Variants in GPR19 observed in about 807,000 individuals in gnomAD.
The protein encoded by GPR19 is probable G protein-coupled receptor 19.
A neutral mutation model predicts 28.5 loss-of-function variants in GPR19; 14 were observed. The ratio of observed to expected loss-of-function variants is 0.49; its 90% CI spans 0.32 to 0.77. GPR19 has a LOEUF of 0.77. GPR19 is among the 30% of genes least tolerant of loss of function. The probability of loss-of-function intolerance (pLI) is 0.03; values close to 1 mark genes in which losing one functional copy is unlikely to be tolerated. For missense variants in GPR19, 409 were observed against 504.1 expected, an observed-to-expected ratio of 0.81 and a Z score of 1.81; for synonymous variants, 173 against 184.1, an observed-to-expected ratio of 0.94 and a Z score of 0.49.
the GPR19 span, chr12:12,717,194 C>G: frequency 1.6e-5 from 17 of 1,048,118 alleles, no homozygotes; most frequent in Non-Finnish European, 2.0e-5. Flanking sequence ...ACGCGACCAG[C>G]CAATCTCCCG....
At chr12:12,685,918 A>G (rs1172861494) in intron 2 of GPR19, among the ~76,000 whole-genome samples, 5 of 152,208 alleles carry the variant, frequency 3.3e-5, no homozygotes, top group African/African-American at 1.2e-4. Flanking sequence ...TTAGAGCCAC[A>G]CCTGACTGTC....
At chr12:12,674,824 T>G (rs1945907241) in intron 3 of GPR19, among the ~76,000 whole-genome samples, 1 of 152,168 alleles carries the variant, frequency 6.6e-6, no homozygotes, top group Non-Finnish European at 1.5e-5. Context: ...CCTACCCTCA[T>G]GAAGATCTAG....
At chr12:12,693,768 T>C (rs555298048) in intron 2 of GPR19, among the ~76,000 whole-genome samples, 2 of 152,326 alleles carry the variant, frequency 1.3e-5, no homozygotes, top group African/African-American at 4.8e-5. Context: ...AGTGGCACGA[T>C]CTCGGCTGAC....
the GPR19 span, among the ~76,000 whole-genome samples, chr12:12,713,545 GT>G: frequency 6.6e-6 from 1 of 151,138 alleles, no homozygotes; most frequent in African/African-American, 2.4e-5. Flanking sequence ...CCTTTTTTGT[GT>G]GTGTGAGATG....
chr12:12,685,178 T>G (rs1946075429), intron 2 of GPR19: 1 of 152,082 alleles, frequency 6.6e-6, no homozygotes, highest in Non-Finnish European at 1.5e-5. Context: ...CAAACATAAT[T>G]TTCAAATTTC....
the GPR19 span, among the ~76,000 whole-genome samples, chr12:12,709,182 G>A: frequency 6.6e-6 from 1 of 152,176 alleles, no homozygotes; most frequent in Non-Finnish European, 1.5e-5. Flanking sequence ...GAACGTAAAT[G>A]TAGGGAGTAG....
the GPR19 span, among the ~76,000 whole-genome samples, chr12:12,703,657 C>A: frequency 6.6e-6 from 1 of 152,190 alleles, no homozygotes; most frequent in African/African-American, 2.4e-5. Context: ...TAACCATTTT[C>A]TTTCTTTTGG....
the GPR19 span, among the ~76,000 whole-genome samples, chr12:12,705,390 T>C: frequency 6.6e-6 from 1 of 152,344 alleles, no homozygotes; most frequent in African/African-American, 2.4e-5. Flanking sequence ...TAGTCTATTA[T>C]GGTGGGAACA....
chr12:12,692,649 A>G (rs1484506281), intron 2 of GPR19, among the ~76,000 whole-genome samples: 4 of 152,152 alleles, frequency 2.6e-5, no homozygotes, highest in African/African-American at 9.7e-5. Flanking sequence ...AAAAGGTCCA[A>G]CAGGTATTTG....
At chr12:12,674,715 AATTC>A (rs1483608128) in intron 3 of GPR19, among the ~76,000 whole-genome samples, 7 of 152,202 alleles carry the variant, frequency 4.6e-5, no homozygotes, top group African/African-American at 1.7e-4. Context: ...CATTTGAATC[AATTC>A]ATTCATCACT....
chr12:12,665,565 G>A (rs980412474), intron 3 of GPR19, among the ~76,000 whole-genome samples: 3 of 152,102 alleles, frequency 2.0e-5, no homozygotes, highest in East Asian at 1.9e-4. Flanking sequence ...TCGGCCGAGC[G>A]CGGTGGCTCA....
intron 3 of GPR19, among the ~76,000 whole-genome samples, chr12:12,677,060 T>C (rs567835810): frequency 6.6e-6 from 1 of 152,324 alleles, no homozygotes; most frequent in East Asian, 1.9e-4. Context: ...GAGCAGGAAG[T>C]TACTAAGCAT....
intron 3 of GPR19, among the ~76,000 whole-genome samples, chr12:12,670,857 T>C (rs1440431459): frequency 6.9e-6 from 1 of 144,722 alleles, no homozygotes; most frequent in Non-Finnish European, 1.6e-5. Context: ...GGGGAAATCA[T>C]TGAGGCCAAA....
At chr12:12,686,644 G>A (rs550467639) in intron 2 of GPR19, among the ~76,000 whole-genome samples, 7 of 152,294 alleles carry the variant, frequency 4.6e-5, no homozygotes, top group African/African-American at 1.7e-4. Context: ...TGTGCCCAAA[G>A]CTGCATAGTG....
At chr12:12,700,305 A>C (rs1025422368), upstream of GPR19, among the ~76,000 whole-genome samples, 2 of 151,930 alleles carry the variant, frequency 1.3e-5, no homozygotes, top group African/African-American at 4.8e-5. Context: ...CTTCCACCTC[A>C]GCCTCCCAAG....
intron 1 of GPR19, 67 bp from the exon 2 acceptor site, chr12:12,695,578 T>C (rs917143451): frequency 2.6e-5 from 4 of 152,232 alleles, no homozygotes; most frequent in African/African-American, 9.7e-5. Context: ...CTGACTTCTG[T>C]TACCGCGACT....
chr12:12,663,533 G>A (rs1945713533), intron 3 of GPR19, among the ~76,000 whole-genome samples: 1 of 151,566 alleles, frequency 6.6e-6, no homozygotes, highest in Non-Finnish European at 1.5e-5. Context: ...CCTTTATTTT[G>A]TACTTTTTGT....
At chr12:12,673,136 A>C (rs1421264141) in intron 3 of GPR19, among the ~76,000 whole-genome samples, 2 of 152,216 alleles carry the variant, frequency 1.3e-5, no homozygotes, top group Non-Finnish European at 2.9e-5. Context: ...TAAGAGGCTA[A>C]AAAGGTAAGA....
At chr12:12,697,152 G>GAAAAAAAAAA (rs1565413527), upstream of GPR19, among the ~76,000 whole-genome samples, 3 of 5,260 alleles carry the variant, frequency 5.7e-4, no homozygotes, top group Admixed American at 2.3e-3. Flanking sequence ...TTGAAGCGAA[G>GAAAAAAAAAA]TAAAAAAAAA....
Sources: gnomAD v4.1 joint callset for allele counts (sites outside exome capture counted in the v4.1 genomes callset) on GRCh38, gnomAD v4.1.1 for gene constraint, MANE v1.5 for transcripts, NCBI Gene and HGNC (gene_info 2026-07-23, HGNC 2026-07-21) for gene names.